The following NDST4 variants were observed in gnomAD, a reference collection of about 807,000 sequenced individuals.
The protein encoded by NDST4 is N-deacetylase and N-sulfotransferase 4, also known as N-heparan sulfate sulfotransferase 4.
A neutral mutation model predicts 100.8 loss-of-function variants in NDST4; 63 were observed. That is an observed-to-expected ratio of 0.62 (90% CI 0.51 to 0.77). The LOEUF is 0.77. Ranked by LOEUF, NDST4 falls within the 30% of genes least tolerant of loss-of-function variation. The pLI is 0.00. For missense variants in NDST4, 943 were observed against 1,018.4 expected (o/e 0.93, Z 1.01); for synonymous variants, 377 against 361.8 (o/e 1.04, Z -0.48).
At chr4:115,061,644 G>A (rs1728825330) in intron 2 of NDST4, among the ~76,000 whole-genome samples, 2 of 151,966 alleles carry the variant, frequency 1.3e-5, no homozygotes, top group Non-Finnish European at 2.9e-5. Context: ...CAAGGGGAGG[G>A]AGAGCATTAG....
intron 7 of NDST4, among the ~76,000 whole-genome samples, chr4:114,861,920 A>C (rs1003022432): frequency 2.0e-5 from 3 of 151,756 alleles, no homozygotes; most frequent in Non-Finnish European, 4.4e-5. Flanking sequence ...TTCCTGTCAT[A>C]TTTTCTTAAT....
At chr4:114,976,955 A>C (rs1239020307) in intron 3 of NDST4, among the ~76,000 whole-genome samples, 1 of 151,698 alleles carries the variant, frequency 6.6e-6, no homozygotes, top group Non-Finnish European at 1.5e-5. Context: ...TATGCTTTCT[A>C]TTTTTTAAAA....
At chr4:115,005,464 T>A (rs1578446557) in intron 2 of NDST4, among the ~76,000 whole-genome samples, 1 of 152,030 alleles carries the variant, frequency 6.6e-6, no homozygotes, top group African/African-American at 2.4e-5. Context: ...AACACCAATA[T>A]CTTGGGAAGA....
chr4:114,931,154 C>T (rs1397259809), intron 6 of NDST4, among the ~76,000 whole-genome samples: 1 of 151,716 alleles, frequency 6.6e-6, no homozygotes, highest in Non-Finnish European at 1.5e-5. Flanking sequence ...TGGAGATTCA[C>T]ATATTAATAT....
At chr4:114,836,815 C>CT (rs2126182096) in intron 11 of NDST4, among the ~76,000 whole-genome samples, 1 of 152,146 alleles carries the variant, frequency 6.6e-6, no homozygotes, top group Non-Finnish European at 1.5e-5. Context: ...TTGTTCATTC[C>CT]TTTTTATTCT....
chr4:114,829,856 C>A lies in NDST4; in HGVS notation c.2433G>T (p.Leu811=). The change falls in exon 13 of 14, where the codon CTG becomes CTT. Residue 811 remains leucine (L), a synonymous_variant. Transcript: ENST00000264363. ...DPQKGFWCQL[L]EGGKTKCLGK... ...CAAGGCATTTTGTCTTTCCTCCTTC[C>A]AGTAATTGACACCAAAAACCCTTTT... 6.2e-7 allele frequency: 1 copy of A among 1,611,856 alleles called. No individual in the cohort carries two copies. Among genetic ancestry groups the A allele is most frequent in the South Asian group, 1.1e-5 (1 of 90,728 alleles).
chr4:114,891,310 A>T (rs1444439156), intron 6 of NDST4, among the ~76,000 whole-genome samples: 1 of 152,040 alleles, frequency 6.6e-6, no homozygotes, highest in Non-Finnish European at 1.5e-5. Flanking sequence ...TCCTGTCTTA[A>T]AGTACTCACA....
intron 2 of NDST4, among the ~76,000 whole-genome samples, chr4:115,056,970 A>T (rs1728708128): frequency 6.6e-6 from 1 of 151,878 alleles, no homozygotes; most frequent in Non-Finnish European, 1.5e-5. Context: ...ATTTTGGGTA[A>T]TTTTTTTTCA....
intron 2 of NDST4, among the ~76,000 whole-genome samples, chr4:115,044,691 G>A (rs1265044536): frequency 7.0e-6 from 1 of 143,210 alleles, no homozygotes; most frequent in Non-Finnish European, 1.5e-5. Flanking sequence ...GTAAAAGTCA[G>A]CAGGAAGGAA....
At position 114,839,829 on chromosome 4, in the gene NDST4, G is replaced by A. The variant is rs78931102; in HGVS notation, c.2116-281C>T. Among the ~76,000 whole-genome samples, 1,444 of 152,232 alleles carry A rather than the reference G, an allele frequency of 9.5e-3. 22 individuals carry two copies. The highest frequency in any genetic ancestry group is 0.033 in the African/African-American group (1,366 of 41,536). On this transcript the variant is annotated intron_variant, in intron 10 of 13. Transcript: ENST00000264363. ...ACAAGCCTTCACTATATATCAAGTG[G>A]TATACACATAAACTTGTAGTTATAT...
chr4:114,863,629 T>C (rs1192173870), intron 7 of NDST4, among the ~76,000 whole-genome samples: 2 of 152,260 alleles, frequency 1.3e-5, no homozygotes, highest in African/African-American at 2.4e-5. Context: ...TATCTAGCAC[T>C]ATAGATATAT....
intron 7 of NDST4, among the ~76,000 whole-genome samples, chr4:114,853,532 A>T (rs1371425841): frequency 6.6e-6 from 1 of 152,188 alleles, no homozygotes; most frequent in Admixed American, 6.5e-5. Context: ...TACCAAAATC[A>T]TTACACTTTT....
At chr4:115,059,864 T>G (rs1728781986) in intron 2 of NDST4, among the ~76,000 whole-genome samples, 1 of 151,528 alleles carries the variant, frequency 6.6e-6, no homozygotes, top group Non-Finnish European at 1.5e-5. Flanking sequence ...TATAATAGTG[T>G]TTCTGGTACT....
intron 6 of NDST4, among the ~76,000 whole-genome samples, chr4:114,895,607 A>T (rs542879937): frequency 2.7e-5 from 4 of 148,428 alleles, no homozygotes; most frequent in African/African-American, 7.8e-5. Context: ...AACAATTTAA[A>T]AGGAGGGACT....
intron 7 of NDST4, among the ~76,000 whole-genome samples, chr4:114,856,989 GC>G (rs1022241012): frequency 1.1e-4 from 17 of 152,164 alleles, no homozygotes; most frequent in African/African-American, 4.1e-4. Flanking sequence ...GATACAGATA[GC>G]TTCAAGTTTA....
chr4:114,911,482 T>C (rs1294843889), intron 6 of NDST4, among the ~76,000 whole-genome samples: 1 of 152,210 alleles, frequency 6.6e-6, no homozygotes, highest in Non-Finnish European at 1.5e-5. Flanking sequence ...TCTTTATTTT[T>C]TGTCACTCCC....
chr4:115,075,926 T>A, intron 2 of NDST4, 133 bp downstream of exon 2: 2 of 1,077,508 alleles, frequency 1.9e-6, no homozygotes, highest in Non-Finnish European at 2.6e-6. Flanking sequence ...TCAATATTTT[T>A]CTAAATGGCT....
chr4:114,899,148 T>G (rs1267688508), intron 6 of NDST4, among the ~76,000 whole-genome samples: 1 of 152,066 alleles, frequency 6.6e-6, no homozygotes, highest in Non-Finnish European at 1.5e-5. Context: ...ACATTAAGTA[T>G]GATGTTAGCT....
In NDST4 at chr4:114,845,065, C is replaced by T. The variant is rs115784204; in HGVS notation, c.2115+758G>A. 7.9e-3 allele frequency among the ~76,000 whole-genome samples: 1,205 copies of T among 152,250 alleles called. 14 individuals carry two copies. Among genetic ancestry groups the T allele is most frequent in the African/African-American group, 0.028 (1,148 of 41,534 alleles). The stretch of plus-strand genomic sequence containing the variant: ...AAAGAATGGGCTGGGCTTGGTGGCT[C>T]ATGCTTGTAGTCCCAAAATTTTGGG... On this transcript the variant is annotated intron_variant, in intron 10 of 13. Transcript: ENST00000264363.
Sources: gnomAD v4.1 joint callset for allele counts (sites outside exome capture counted in the v4.1 genomes callset) on GRCh38, gnomAD v4.1.1 for gene constraint, MANE v1.5 for transcripts, NCBI Gene and HGNC (gene_info 2026-07-23, HGNC 2026-07-21) for gene names.